The following WWOX variants were observed in gnomAD, a reference collection of about 807,000 sequenced individuals.
The protein encoded by WWOX is WW domain containing oxidoreductase, also known as WW domain-containing oxidoreductase.
Under a neutral mutation model 46.2 loss-of-function variants are expected in WWOX, and 69 were observed. The observed-to-expected ratio is 1.49, with a 90% confidence interval of 1.23 to 1.82. WWOX has a LOEUF of 1.82. Ranked by LOEUF, WWOX falls within the 40% of genes most tolerant of loss-of-function variation. WWOX has a pLI of 0.00. For synonymous variants in WWOX, 359 were observed against 202.6 expected (o/e 1.77, Z -6.56); for missense variants, 919 against 542.6 (o/e 1.69, Z -6.89).
chr16:79,085,946 C>T (rs1027208783), intron 8 of WWOX, among the ~76,000 whole-genome samples: 2 of 152,020 alleles, frequency 1.3e-5, no homozygotes, highest in African/African-American at 2.4e-5. Context: ...CAGCTACTCA[C>T]CTGTAGTCCC....
chr16:78,393,001 A>T (rs902360476), intron 6 of WWOX, among the ~76,000 whole-genome samples: 1 of 152,094 alleles, frequency 6.6e-6, no homozygotes, highest in Non-Finnish European at 1.5e-5. Context: ...TCTCGGGTCA[A>T]ATTATTTTGG....
intron 8 of WWOX, among the ~76,000 whole-genome samples, chr16:78,740,246 C>A (rs570885164): frequency 6.6e-6 from 1 of 152,196 alleles, no homozygotes; most frequent in Admixed American, 6.5e-5. Context: ...TTCAGGCGTT[C>A]TTACAATGCT....
intron 6 of WWOX, among the ~76,000 whole-genome samples, chr16:78,409,538 T>A (rs1331015096): frequency 6.6e-6 from 1 of 152,334 alleles, no homozygotes; most frequent in Admixed American, 6.5e-5. Flanking sequence ...TCTGCTAAAT[T>A]ACCCCCAAGA....
intron 8 of WWOX, among the ~76,000 whole-genome samples, chr16:78,862,817 C>A (rs896089303): frequency 6.6e-6 from 1 of 152,154 alleles, no homozygotes; most frequent in African/African-American, 2.4e-5. Context: ...GTCTGCTTTA[C>A]TCATAGTACT....
At position 79,151,939 on chromosome 16, in the gene WWOX, G is replaced by A. The variant is rs139114558; in HGVS notation, c.1057-59669G>A. The stretch of plus-strand genomic sequence containing the variant: ...TGAAATATCACATGTAAATAGCCGA[G>A]GATATCTGGGCTCTGAGTCTTTAAA... On this transcript the variant is annotated intron_variant, in intron 8 of 8. Coordinates refer to ENST00000566780, the MANE Select transcript of WWOX (RefSeq NM_016373.4). Among the ~76,000 whole-genome samples, 103 of 152,228 alleles carry A rather than the reference G, an allele frequency of 6.8e-4. No individual in the cohort carries two copies. The East Asian group carries it at 0.012, about 17-fold the overall frequency.
At chr16:78,943,346 C>G (rs1405703536) in intron 8 of WWOX, among the ~76,000 whole-genome samples, 1 of 152,150 alleles carries the variant, frequency 6.6e-6, no homozygotes, top group East Asian at 1.9e-4. Context: ...CTTTGGCATT[C>G]AAGATTACAC....
chr16:78,270,664 C>T (rs1188827360), intron 5 of WWOX: 1 of 152,180 alleles, frequency 6.6e-6, no homozygotes, highest in East Asian at 1.9e-4. Flanking sequence ...TGGTAGCTAA[C>T]TCATTAACTT....
chr16:78,329,723 A>C (rs1199691794), intron 5 of WWOX, among the ~76,000 whole-genome samples: 1 of 151,012 alleles, frequency 6.6e-6, no homozygotes, highest in African/African-American at 2.4e-5. Context: ...TTTATGTTTT[A>C]TGTTTGATGG....
At chr16:78,524,253 A>G (rs1009392614) in intron 8 of WWOX, among the ~76,000 whole-genome samples, 1 of 152,200 alleles carries the variant, frequency 6.6e-6, no homozygotes, top group Non-Finnish European at 1.5e-5. Context: ...TGTGACTAAT[A>G]TTAGAAGCAG....
chr16:78,515,434 C>T (rs1465245794), intron 8 of WWOX, among the ~76,000 whole-genome samples: 1 of 152,132 alleles, frequency 6.6e-6, no homozygotes, highest in Non-Finnish European at 1.5e-5. Context: ...TTGAGAGGCA[C>T]ACTGAGATGA....
At chr16:78,615,592 G>C (rs1264771340) in intron 8 of WWOX, among the ~76,000 whole-genome samples, 1 of 151,966 alleles carries the variant, frequency 6.6e-6, no homozygotes, top group East Asian at 1.9e-4. Context: ...AGGAGTTGGA[G>C]GTTGCTGCAG....
At chr16:78,761,918 G>A (rs1315954886) in intron 8 of WWOX, among the ~76,000 whole-genome samples, 1 of 152,170 alleles carries the variant, frequency 6.6e-6, no homozygotes, top group Non-Finnish European at 1.5e-5. Context: ...GTGTGTGAGT[G>A]TGTGAGGGGA....
chr16:78,389,130 A>C (rs779631600), intron 6 of WWOX, among the ~76,000 whole-genome samples: 3 of 152,234 alleles, frequency 2.0e-5, no homozygotes, highest in Non-Finnish European at 2.9e-5. Context: ...TCCCCCAGCC[A>C]GCCAGATCTG....
chr16:78,626,482 A>G (rs1003792996), intron 8 of WWOX, among the ~76,000 whole-genome samples: 1 of 152,142 alleles, frequency 6.6e-6, no homozygotes, highest in Non-Finnish European at 1.5e-5. Flanking sequence ...TACTGGAGTT[A>G]ATGAATTTCA....
intron 8 of WWOX, among the ~76,000 whole-genome samples, chr16:78,743,837 G>A (rs976556298): frequency 2.6e-5 from 4 of 152,096 alleles, no homozygotes; most frequent in African/African-American, 9.7e-5. Flanking sequence ...TTTCCATGAG[G>A]TGTACACCAA....
chr16:79,080,534 A>G (rs981972593), intron 8 of WWOX, among the ~76,000 whole-genome samples: 2 of 152,222 alleles, frequency 1.3e-5, no homozygotes, highest in Non-Finnish European at 2.9e-5. Flanking sequence ...TTTGCACATT[A>G]TAGCCACAAC....
At chr16:78,223,891 A>T (rs574027905) in intron 5 of WWOX, among the ~76,000 whole-genome samples, 50 of 152,354 alleles carry the variant, frequency 3.3e-4, no homozygotes, top group Admixed American at 2.5e-3. Flanking sequence ...GGAAGTTGTC[A>T]TTATTCCTGT....
chr16:78,595,406 C>T (rs763436073), intron 8 of WWOX, among the ~76,000 whole-genome samples: 42 of 152,180 alleles, frequency 2.8e-4, no homozygotes, highest in Non-Finnish European at 4.1e-4. Context: ...CTCCTGCCTC[C>T]CTGCAGCCTG....
chr16:78,168,604 C>T (rs1220102592), intron 5 of WWOX: 2 of 152,060 alleles, frequency 1.3e-5, no homozygotes, highest in Non-Finnish European at 2.9e-5. Context: ...CATCTTTTTA[C>T]CATGTTTAGT....
Sources: gnomAD v4.1 joint callset for allele counts (sites outside exome capture counted in the v4.1 genomes callset) on GRCh38, gnomAD v4.1.1 for gene constraint, MANE v1.5 for transcripts, NCBI Gene and HGNC (gene_info 2026-07-23, HGNC 2026-07-21) for gene names.